Variants in PHRF1 observed in about 807,000 individuals in gnomAD.
The protein encoded by PHRF1 is PHD and ring finger domains 1.
PHRF1 carries 53 observed loss-of-function variants against 128.9 expected under a neutral mutation model. The observed-to-expected ratio is 0.41, with a 90% CI of 0.33 to 0.52. PHRF1 has a LOEUF of 0.52. Among genes scored for constraint, PHRF1 ranks in the 20% least tolerant of loss-of-function variants. The pLI is 0.21. For synonymous variants in PHRF1, 1,178 were observed against 980.6 expected (o/e 1.20, Z -3.76); for missense variants, 2,503 against 2,284.5 (o/e 1.10, Z -1.95).
rs1401814419 is a variant in PHRF1, at chr11:609,031, C to T, written c.3575C>T (p.Pro1192Leu). The change falls in exon 14 of 18, where the codon CCA (proline) becomes CTA (leucine). Residue 1192 changes from proline to leucine, a missense_variant. Coordinates refer to ENST00000264555, the MANE Select transcript of PHRF1 (RefSeq NM_001286581.2). ...TGGCCGCAGACCCGGTCCCATTCCC[C>T]AGAGAGGAAGGGGGCTGTGAGGGAG... is the stretch of plus-strand genomic sequence containing the variant. ...EKWPQTRSHS[P>L]ERKGAVREAS... 6.3e-7 allele frequency: 1 copy of T among 1,595,608 alleles called. No homozygotes were observed. The highest frequency in any genetic ancestry group is 8.5e-7 in the Non-Finnish European group (1 of 1,171,928).
Position 608,496 on chromosome 11 carries a change from C to T in PHRF1, c.3040C>T (p.His1014Tyr), listed in dbSNP as rs752574591. ...CAAGAGGAAGAGGGTGTCCAGGGAG[C>T]ACGGACGGACGCGCTCTGGGACGCG... ...KAKRKRVSRE[H>Y]GRTRSGTRSE... The change falls in exon 14 of 18, where the codon CAC becomes TAC. Residue 1014 changes from histidine (H) to tyrosine (Y), a missense_variant. Coordinates refer to ENST00000264555, the MANE Select transcript of PHRF1 (RefSeq NM_001286581.2). 6.2e-7 allele frequency: 1 copy of T among 1,612,198 alleles called. No individual in the cohort carries two copies. Among genetic ancestry groups the T allele is most frequent in the South Asian group, 1.1e-5 (1 of 91,068 alleles).
Position 578,997 on chromosome 11 carries a change from G to T in PHRF1, c.-22+2405G>T, listed in dbSNP as rs190949341. Among the ~76,000 whole-genome samples the T allele has an allele frequency of 2.5e-3, 374 of 152,196 alleles. 1 individual carries two copies. Among genetic ancestry groups the T allele is most frequent in the African/African-American group, 8.7e-3 (362 of 41,522 alleles). On this transcript the variant is annotated intron_variant, in intron 1 of 17. Transcript: ENST00000264555. ...TGGGACTACAGGTGCACGCCGCCAT[G>T]CCCGGCTCATTTTTTCTATTTTAGT...
In PHRF1 at chr11:609,610, A is replaced by G. The variant is rs966364159; in HGVS notation, c.4154A>G (p.Glu1385Gly). Residue 1385 changes from glutamate to glycine, a missense_variant, in exon 14 of 18, where the codon GAG (glutamate) becomes GGG (glycine). Glu to Gly is a moderately conservative substitution (Grantham distance 98). Coordinates refer to ENST00000264555, the MANE Select transcript of PHRF1 (RefSeq NM_001286581.2). ...SGRVQEAARP[E>G]EVVSQTPLLR... ...AGGGTACAGGAGGCAGCCCGGCCTG[A>G]GGAGGTGGTTTCGCAGACCCCCCTG... 6 of 1,589,956 alleles carry G rather than the reference A, an allele frequency of 3.8e-6. No homozygotes were observed. Among genetic ancestry groups the G allele is most frequent in the Non-Finnish European group, 4.3e-6 (5 of 1,169,902 alleles).
intron 4 of PHRF1, among the ~76,000 whole-genome samples, chr11:589,213 A>G (rs563015580): frequency 1.3e-5 from 2 of 152,360 alleles, no homozygotes; most frequent in East Asian, 3.9e-4. Context: ...GAGGTTAATA[A>G]AGATTAAAAT....
chr11:602,409 G>A (rs574761056), intron 10 of PHRF1, among the ~76,000 whole-genome samples: 27 of 152,156 alleles, frequency 1.8e-4, no homozygotes, highest in African/African-American at 5.8e-4. Flanking sequence ...GGCCGAGCGC[G>A]GTGGCTCACA....
chr11:597,343 G>T lies in PHRF1; in HGVS notation c.719-52G>T. 6.4e-7 allele frequency: 1 copy of T among 1,571,020 alleles called. No individual in the cohort carries two copies. Among genetic ancestry groups the T allele is most frequent in the Non-Finnish European group, 8.7e-7 (1 of 1,156,026 alleles). The stretch of plus-strand genomic sequence containing the variant: ...GGCAGCCACAGGGGGAGCCGTTGGG[G>T]GAGGCGTGTGGCCTGTGAGTGTGGC... On this transcript the variant is annotated intron_variant, in intron 7 of 17. Coordinates refer to ENST00000264555, the MANE Select transcript of PHRF1 (RefSeq NM_001286581.2). The surrounding 1 kb of genome is among the most constrained non-coding windows in gnomAD (Gnocchi z 6.5).
At position 607,794 on chromosome 11, in the gene PHRF1, A is replaced by G. The variant is rs1856046944; in HGVS notation, c.2338A>G (p.Asn780Asp). Residue 780 changes from asparagine (N) to aspartate (D), a missense_variant, in exon 14 of 18, where the codon AAT (asparagine) becomes GAT (aspartate). Physicochemically the swap from Asn to Asp is conservative, Grantham distance 23 (BLOSUM62 1). Coordinates refer to ENST00000264555, the MANE Select transcript of PHRF1 (RefSeq NM_001286581.2). ...GTCGACCTTTGAGAGCTTCCGGATC[A>G]ATATTCCTGGAAACATGGCACATTC... ...VGSTFESFRI[N>D]IPGNMAHSSQ... 2 of 1,612,616 alleles carry G rather than the reference A, an allele frequency of 1.2e-6. No individual in the cohort carries two copies. The highest frequency in any genetic ancestry group is 1.7e-6 in the Non-Finnish European group (2 of 1,179,886).
In PHRF1 at chr11:592,542, C is replaced by G. The variant is rs373026558; in HGVS notation, c.505-17C>G. 6.2e-7 allele frequency: 1 copy of G among 1,612,290 alleles called. No individual in the cohort carries two copies. Among genetic ancestry groups the G allele is most frequent in the Non-Finnish European group, 8.5e-7 (1 of 1,178,312 alleles). On this transcript the variant is annotated splice_polypyrimidine_tract_variant and intron_variant, in intron 5 of 17. Transcript: ENST00000264555. ...AGTTTGGGTCCTGTGTGGTGGTGAC[C>G]GACGATTCTGTCCTAGATCCCAGTG...
At chr11:579,479 A>C (rs991679914) in intron 1 of PHRF1, among the ~76,000 whole-genome samples, 12 of 152,196 alleles carry the variant, frequency 7.9e-5, no homozygotes, top group Admixed American at 7.2e-4. Flanking sequence ...CAGGGAGTTA[A>C]GGTCCTCTTA....
At chr11:606,881 G>T in intron 13 of PHRF1, 185 bp from the exon 14 acceptor site, 1 of 1,069,290 alleles carries the variant, frequency 9.4e-7, no homozygotes. Flanking sequence ...ACTGTACTTT[G>T]TCATCCACAG....
At position 601,530 on chromosome 11, in the gene PHRF1, G is replaced by T. The variant is rs745454759; in HGVS notation, c.1025-44G>T. ...TGGACTCACAGGAATGGGGCAGGGA[G>T]GGCCCAGCACAGAGAAGCACAGACT... On this transcript the variant is annotated intron_variant, in intron 9 of 17. Transcript: ENST00000264555. 3.7e-6 allele frequency: 6 copies of T among 1,611,224 alleles called. No homozygotes were observed. The African/African-American group carries it at 5.4e-5, about 14-fold the overall frequency.
Position 608,093 on chromosome 11 carries a change from C to T in PHRF1, c.2637C>T (p.Val879=). The T allele has an allele frequency of 6.2e-7, 1 of 1,611,820 alleles. No individual in the cohort carries two copies. The highest frequency in any genetic ancestry group is 8.5e-7 in the Non-Finnish European group (1 of 1,179,876). Residue 879 remains valine, a synonymous_variant, in exon 14 of 18, where the codon GTC becomes GTT. Coordinates refer to ENST00000264555, the MANE Select transcript of PHRF1 (RefSeq NM_001286581.2). ...KAQTVQAVRC[V]TSYTVESIFG... ...AGACGGTGCAGGCTGTGCGCTGCGT[C>T]ACCTCCTACACGGTGGAGAGCATCT...
chr11:588,089 C>A (rs1038503432), intron 4 of PHRF1, among the ~76,000 whole-genome samples: 1 of 152,178 alleles, frequency 6.6e-6, no homozygotes, highest in African/African-American at 2.4e-5. Context: ...ACACCACTAC[C>A]TCTTGACTCC....
intron 4 of PHRF1, among the ~76,000 whole-genome samples, chr11:587,926 C>T (rs1431932732): frequency 1.3e-5 from 2 of 152,198 alleles, no homozygotes; most frequent in Non-Finnish European, 2.9e-5. Flanking sequence ...TTACCGTAAA[C>T]GTGCAGTGTA....
rs189938662 is a variant in PHRF1, at chr11:584,790, T to C, written c.215-2469T>C. 7.3e-3 allele frequency among the ~76,000 whole-genome samples: 1,013 copies of C among 139,188 alleles called. 12 individuals carry two copies. The highest frequency in any genetic ancestry group is 0.015 in the Admixed American group (182 of 12,178). 91.3% of individuals were successfully genotyped at this position (139,188 alleles called of 152,430 possible). On this transcript the variant is annotated intron_variant, in intron 3 of 17. Transcript: ENST00000264555. ...TTCACTCTTGTTGCCCAGGCTGGAG[T>C]GTAGTGGCGCAATCTCGGCTCACTG...
chr11:588,781 G>A (rs751777359), intron 4 of PHRF1, among the ~76,000 whole-genome samples: 1 of 152,034 alleles, frequency 6.6e-6, no homozygotes, highest in Non-Finnish European at 1.5e-5. Context: ...TTTCTGTCTG[G>A]CATTTATTAG....
chr11:584,423 A>G (rs1854402194), intron 3 of PHRF1, among the ~76,000 whole-genome samples: 1 of 152,132 alleles, frequency 6.6e-6, no homozygotes, highest in Non-Finnish European at 1.5e-5. Context: ...CTAGCAGCAA[A>G]CAGTGCGCCA....
chr11:578,855 C>G (rs1219030017), intron 1 of PHRF1, among the ~76,000 whole-genome samples: 2 of 151,892 alleles, frequency 1.3e-5, no homozygotes, highest in Non-Finnish European at 2.9e-5. Flanking sequence ...CCGGCTGATT[C>G]ACATTTTTTT....
chr11:579,417 C>G (rs532476783), intron 1 of PHRF1, among the ~76,000 whole-genome samples: 26 of 152,224 alleles, frequency 1.7e-4, no homozygotes, highest in Admixed American at 5.2e-4. Context: ...GGTGTTGGAG[C>G]AGGCGTCCTG....
Sources: gnomAD v4.1 joint callset for allele counts (sites outside exome capture counted in the v4.1 genomes callset) on GRCh38, gnomAD v4.1.1 for gene constraint, Gnocchi (gnomAD v3.1) non-coding constraint, MANE v1.5 for transcripts, NCBI Gene and HGNC (gene_info 2026-07-23, HGNC 2026-07-21) for gene names.